Variants in EIF2A observed in about 807,000 individuals in gnomAD.
The protein encoded by EIF2A is eukaryotic translation initiation factor 2A.
EIF2A carries 62 observed loss-of-function variants against 75.2 expected under a neutral mutation model. The observed-to-expected ratio is 0.82, with a 90% CI of 0.67 to 1.02. The LOEUF (loss-of-function observed/expected upper bound fraction) is 1.02. Among genes scored for constraint, EIF2A ranks in the 50% least tolerant of loss-of-function variants. EIF2A has a pLI of 0.00. For missense variants in EIF2A, 611 were observed against 677.7 expected (o/e 0.90, Z 1.09); for synonymous variants, 207 against 239.0 (o/e 0.87, Z 1.23).
At chr3:150,561,319 T>C (rs964160440) in intron 3 of EIF2A, among the ~76,000 whole-genome samples, 2 of 152,164 alleles carry the variant, frequency 1.3e-5, no homozygotes, top group African/African-American at 4.8e-5. Flanking sequence ...GGCTCATACC[T>C]GTAATCCCAG....
At chr3:150,555,458 A>G (rs1054780797) in intron 2 of EIF2A, among the ~76,000 whole-genome samples, 1 of 151,292 alleles carries the variant, frequency 6.6e-6, no homozygotes, top group African/African-American at 2.4e-5. Context: ...TGGTTTCACC[A>G]TGTTGGCCAG....
At chr3:150,559,037 TACA>T (rs1399210770) in intron 3 of EIF2A, among the ~76,000 whole-genome samples, 1 of 152,224 alleles carries the variant, frequency 6.6e-6, no homozygotes, top group African/African-American at 2.4e-5. Context: ...CAAGAGTTAC[TACA>T]ACATTTTATT....
chr3:150,585,264 A>G lies in EIF2A; in HGVS notation c.*1353A>G, dbSNP rs1725407209. The G allele has an allele frequency of 6.6e-6, 1 of 152,406 alleles. No individual in the cohort carries two copies. Among genetic ancestry groups the G allele is most frequent in the South Asian group, 2.1e-4 (1 of 4,832 alleles). The allele number at this position is 152,406 out of a possible 1,614,324, so 9.4% of individuals were successfully genotyped here. ...GCCAGGCATGCTGGCTCACACCTGT[A>G]ATCCCAGCACCTTGGGAGGCCAAGG... On this transcript the variant is annotated 3_prime_UTR_variant, in exon 14 of 14. Transcript: ENST00000460851.
chr3:150,559,499 T>C (rs1396947259), intron 3 of EIF2A, among the ~76,000 whole-genome samples: 3 of 9,944 alleles, frequency 3.0e-4, no homozygotes, highest in Non-Finnish European at 5.3e-4. Flanking sequence ...TGCCCAGCCC[T>C]TTTTTTTTTT....
intron 9 of EIF2A, among the ~76,000 whole-genome samples, chr3:150,571,512 C>T (rs1157031062): frequency 6.6e-6 from 1 of 152,136 alleles, no homozygotes; most frequent in African/African-American, 2.4e-5. Flanking sequence ...AATGCCAAGG[C>T]AGGAGGATCC....
At chr3:150,582,733 A>G (rs189754118) in intron 12 of EIF2A, among the ~76,000 whole-genome samples, 1 of 152,306 alleles carries the variant, frequency 6.6e-6, no homozygotes, top group Non-Finnish European at 1.5e-5. Context: ...GATTTGTGAT[A>G]TTGCAGCCAG....
chr3:150,549,774 A>G (rs1022608866), intron 1 of EIF2A, among the ~76,000 whole-genome samples: 1 of 152,102 alleles, frequency 6.6e-6, no homozygotes, highest in Non-Finnish European at 1.5e-5. Flanking sequence ...GCGCCTCCTA[A>G]AGAAGAGGAG....
chr3:150,546,838 C>T lies in EIF2A; in HGVS notation c.28+8C>T. 6.2e-7 allele frequency: 1 copy of T among 1,612,056 alleles called. No homozygotes were observed. The highest frequency in any genetic ancestry group is 1.7e-5 in the Admixed American group (1 of 60,032). Reference sequence around the variant, plus strand: ...CCACGCCGCTCTTGACAGGTGAGTTCTGAAGAAGCGAGGGACTCTCTTTCT... The same window carrying T: ...CCACGCCGCTCTTGACAGGTGAGTTTTGAAGAAGCGAGGGACTCTCTTTCT... On this transcript the variant is annotated splice_region_variant and intron_variant, in intron 1 of 13. Coordinates refer to ENST00000460851, the MANE Select transcript of EIF2A (RefSeq NM_032025.5).
At position 150,572,294 on chromosome 3, in the gene EIF2A, T is replaced by C. The variant is rs1724576856; in HGVS notation, c.1148T>C (p.Val383Ala). The C allele has an allele frequency of 1.9e-6, 3 of 1,613,814 alleles. No homozygotes were observed. The South Asian group carries it at 3.3e-5, about 18-fold the overall frequency. The change falls in exon 10 of 14, where the codon GTT (valine) becomes GCT (alanine). Residue 383 changes from valine to alanine, a missense_variant. Transcript: ENST00000460851. ...LTATCAPRLR[V>A]NNGYKIWHYT... ...GCTACATGTGCTCCCAGGTTACGGG[T>C]TAATAATGGATACAAAATTTGGCAT...
chr3:150,547,405 G>T (rs1472394747), intron 1 of EIF2A, among the ~76,000 whole-genome samples: 2 of 152,220 alleles, frequency 1.3e-5, no homozygotes, highest in African/African-American at 2.4e-5. Flanking sequence ...ATTTGATTTT[G>T]AAATGGTTAT....
intron 1 of EIF2A, among the ~76,000 whole-genome samples, chr3:150,549,254 T>C (rs2107896513): frequency 6.6e-6 from 1 of 151,194 alleles, no homozygotes; most frequent in Non-Finnish European, 1.5e-5. Flanking sequence ...GTTTCGCTCT[T>C]GTTGCCCAGG....
chr3:150,554,801 A>G (rs565535993), intron 2 of EIF2A, among the ~76,000 whole-genome samples: 4 of 152,316 alleles, frequency 2.6e-5, no homozygotes, highest in African/African-American at 9.6e-5. Context: ...GAACCTTGCT[A>G]CAGGAAGCAT....
chr3:150,578,907 A>G (rs1725024948), intron 11 of EIF2A, among the ~76,000 whole-genome samples: 1 of 152,180 alleles, frequency 6.6e-6, no homozygotes. Context: ...TAAACTGGTG[A>G]TAATTTTATA....
At position 150,583,871 on chromosome 3, in the gene EIF2A, C is replaced by T. The variant is rs1725327212; in HGVS notation, c.1718C>T (p.Ala573Val). The T allele has an allele frequency of 5.0e-6, 8 of 1,613,436 alleles. No homozygotes were observed. Among genetic ancestry groups the T allele is most frequent in the African/African-American group, 1.3e-5 (1 of 75,004 alleles). ...TTGGAGAAAATTCAGAAAGAAACAG[C>T]CCTTCTCCAGGAGCTGGAAGATTTG... The part of the protein sequence containing the change: ...NQLEKIQKET[A>V]LLQELEDLEL... Residue 573 changes from alanine (A) to valine (V), a missense_variant, in exon 14 of 14, where the codon GCC (alanine) becomes GTC (valine). By Grantham distance (64) the Ala-to-Val change is moderately conservative. Transcript: ENST00000460851.
chr3:150,559,194 T>C (rs1423899770), intron 3 of EIF2A, among the ~76,000 whole-genome samples: 1 of 152,222 alleles, frequency 6.6e-6, no homozygotes, highest in Non-Finnish European at 1.5e-5. Context: ...AACATTGTTC[T>C]TTACAATGGT....
intron 9 of EIF2A, among the ~76,000 whole-genome samples, chr3:150,569,420 AT>A (rs11456857): frequency 0.22 from 32,770 of 149,992 alleles, 3,745 homozygotes; most frequent in East Asian, 0.4. Flanking sequence ...ATGCTAACTG[AT>A]TTTTTTTTTT....
chr3:150,547,278 C>G lies in EIF2A; in HGVS notation c.28+448C>G, dbSNP rs1723087805. 12 of 189,994 alleles carry G rather than the reference C, an allele frequency of 6.3e-5. No individual in the cohort carries two copies. In the South Asian group the frequency reaches 9.1e-4, roughly 14 times the overall value. The allele number at this position is 189,994 out of a possible 1,614,324, so 11.8% of individuals were successfully genotyped here. ...TAATTCCAGATTCTGGCCTTCCTGC[C>G]TTAATGAGGTTTGTAGGACTGAATA... On this transcript the variant is annotated intron_variant, in intron 1 of 13. Transcript: ENST00000460851.
chr3:150,567,810 CT>C, intron 7 of EIF2A, 44 bp downstream of exon 7: 1 of 1,566,480 alleles, frequency 6.4e-7, no homozygotes, highest in Non-Finnish European at 8.6e-7. Context: ...GTGTTTAAAC[CT>C]TTTCCTAGTT....
chr3:150,581,741 A>G lies in EIF2A; in HGVS notation c.1621A>G (p.Lys541Glu), dbSNP rs763153481. Residue 541 changes from lysine (K) to glutamate (E), a missense_variant, in exon 12 of 14, where the codon AAG (lysine) becomes GAG (glutamate). By Grantham distance (56) the Lys-to-Glu change is moderately conservative. Coordinates refer to ENST00000460851, the MANE Select transcript of EIF2A (RefSeq NM_032025.5). ...PEIDKKIKNLKKKLKAIEQLK... is the reference protein window; with the variant it reads ...PEIDKKIKNLEKKLKAIEQLK... ...GATAGACAAAAAAATCAAGAACCTA[A>G]AGAAGGTGAGAGACTTAAAAACAGA... 6.4e-7 allele frequency: 1 copy of G among 1,558,452 alleles called. No homozygotes were observed. Among genetic ancestry groups the G allele is most frequent in the Non-Finnish European group, 8.7e-7 (1 of 1,150,476 alleles).
Sources: gnomAD v4.1 joint callset for allele counts (sites outside exome capture counted in the v4.1 genomes callset) on GRCh38, gnomAD v4.1.1 for gene constraint, MANE v1.5 for transcripts, NCBI Gene and HGNC (gene_info 2026-07-23, HGNC 2026-07-21) for gene names.